The following PTPRN2 variants were observed in gnomAD, a reference collection of about 807,000 sequenced individuals.
The protein encoded by PTPRN2 is receptor-type tyrosine-protein phosphatase N2.
Under a neutral mutation model 118.8 loss-of-function variants are expected in PTPRN2, and 74 were observed. That is an observed-to-expected ratio of 0.62 (90% CI 0.52 to 0.76). The LOEUF is 0.76. PTPRN2 is among the 30% of genes least tolerant of loss of function. The probability of loss-of-function intolerance (pLI) is 0.00; values close to 1 mark genes in which losing one functional copy is unlikely to be tolerated. For missense variants in PTPRN2, 1,481 were observed against 1,394.4 expected (o/e 1.06, Z -0.99); for synonymous variants, 641 against 608.0 (o/e 1.05, Z -0.80).
chr7:158,256,485 T>C (rs1442008459), intron 3 of PTPRN2, among the ~76,000 whole-genome samples: 2 of 152,126 alleles, frequency 1.3e-5, no homozygotes, highest in African/African-American at 2.4e-5. Flanking sequence ...TGGTGGACCA[T>C]TGGCAGTTTT....
intron 22 of PTPRN2, among the ~76,000 whole-genome samples, chr7:157,544,131 G>A (rs898706296): frequency 6.6e-5 from 10 of 150,588 alleles, no homozygotes; most frequent in Non-Finnish European, 1.0e-4. Flanking sequence ...GGAGAGAGGC[G>A]GAGAGAGGCG....
At chr7:158,139,705 C>T (rs929830857) in intron 6 of PTPRN2, among the ~76,000 whole-genome samples, 7 of 152,066 alleles carry the variant, frequency 4.6e-5, no homozygotes, top group South Asian at 2.1e-4. Context: ...GGGGAAGACA[C>T]GCTCCACACA....
chr7:158,466,598 C>T (rs1819404892), intron 2 of PTPRN2, among the ~76,000 whole-genome samples: 1 of 152,190 alleles, frequency 6.6e-6, no homozygotes, highest in Non-Finnish European at 1.5e-5. Flanking sequence ...GTACTGTCTC[C>T]ATGCCCTGGT....
At chr7:158,340,496 C>G (rs201662817) in intron 2 of PTPRN2, among the ~76,000 whole-genome samples, 18,349 of 58,544 alleles carry the variant, frequency 0.31, 4,173 homozygotes, top group Non-Finnish European at 0.4. Context: ...TAGGTGACAC[C>G]TGCAGACGTC....
At chr7:158,226,557 A>C (rs1396074268) in intron 3 of PTPRN2, among the ~76,000 whole-genome samples, 1 of 152,180 alleles carries the variant, frequency 6.6e-6, no homozygotes, top group African/African-American at 2.4e-5. Context: ...AAGTGGTGGC[A>C]GCGTGCATGG....
At chr7:158,554,435 G>T (rs548368303) in intron 1 of PTPRN2, among the ~76,000 whole-genome samples, 2 of 152,150 alleles carry the variant, frequency 1.3e-5, no homozygotes, top group Non-Finnish European at 2.9e-5. Context: ...TGAAAAGTGC[G>T]TAAGAATTTT....
chr7:158,165,654 C>T (rs1476807669), intron 6 of PTPRN2, among the ~76,000 whole-genome samples: 7 of 152,250 alleles, frequency 4.6e-5, no homozygotes, highest in African/African-American at 1.4e-4. Context: ...GCTCACATAA[C>T]GCGATGCTCA....
intron 2 of PTPRN2, among the ~76,000 whole-genome samples, chr7:158,470,594 G>C (rs545499264): frequency 4.7e-4 from 71 of 152,312 alleles, no homozygotes; most frequent in African/African-American, 1.6e-3. Context: ...GCGTCACCCC[G>C]ACCGGCTGCT....
At chr7:157,661,780 G>A (rs891335599) in intron 13 of PTPRN2, among the ~76,000 whole-genome samples, 1 of 152,190 alleles carries the variant, frequency 6.6e-6, no homozygotes, top group Non-Finnish European at 1.5e-5. Context: ...TACTTCCCTG[G>A]ACACTACGAT....
rs1287965025 is a variant in PTPRN2 at position 157,539,815 on chromosome 7, G to A, written c.*899C>T. 6.6e-6 allele frequency: 1 copy of A among 152,316 alleles called. No individual in the cohort carries two copies. The highest frequency in any genetic ancestry group is 1.5e-5 in the Non-Finnish European group (1 of 68,096). The allele number at this position is 152,316 out of a possible 1,614,324, so 9.4% of individuals were successfully genotyped here. A position where few individuals can be genotyped will look rare whatever the true frequency, so the allele number is the denominator to read the frequency against. Reference sequence around the variant, plus strand: ...CCCACAGGTCCGGGACGTGCCTGGAGGAGCCAGCGGGGGCCTGGCAGGGTT... The same window carrying A: ...CCCACAGGTCCGGGACGTGCCTGGAAGAGCCAGCGGGGGCCTGGCAGGGTT... On this transcript the variant is annotated 3_prime_UTR_variant, in exon 23 of 23. Transcript: ENST00000389418.
rs116008292 is a variant in PTPRN2 at position 158,477,520 on chromosome 7, T to G, written c.163+12215A>C. ...TTTAATTGATTTTAATTGACACACC[T>G]GAAAGAGAAAAGTGGGTAATACTGT... On this transcript the variant is annotated intron_variant, in intron 2 of 22. Transcript: ENST00000389418. Among the ~76,000 whole-genome samples, 840 of 152,296 alleles carry G rather than the reference T, an allele frequency of 5.5e-3. 10 individuals are homozygous for G. The highest frequency in any genetic ancestry group is 0.019 in the African/African-American group (785 of 41,558).
chr7:157,854,117 T>C (rs1809501803), intron 12 of PTPRN2, among the ~76,000 whole-genome samples: 1 of 152,232 alleles, frequency 6.6e-6, no homozygotes, highest in African/African-American at 2.4e-5. Flanking sequence ...TGCTATGCTG[T>C]CACAGCAGCC....
At chr7:158,384,145 C>A (rs772409669) in intron 2 of PTPRN2, among the ~76,000 whole-genome samples, 1 of 152,332 alleles carries the variant, frequency 6.6e-6, no homozygotes, top group African/African-American at 2.4e-5. Flanking sequence ...CTGCTGGGCT[C>A]GCTCAAGGTA....
intron 12 of PTPRN2, among the ~76,000 whole-genome samples, chr7:157,840,107 G>A (rs1158511017): frequency 2.6e-5 from 3 of 115,440 alleles, no homozygotes; most frequent in African/African-American, 5.4e-5. Context: ...GTGTGACCGC[G>A]TGACTGTGTG....
chr7:158,127,056 G>T (rs1817749977), intron 9 of PTPRN2, among the ~76,000 whole-genome samples: 1 of 152,198 alleles, frequency 6.6e-6, no homozygotes, highest in Admixed American at 6.5e-5. Context: ...CTTGAAGGAA[G>T]AAACATTTCA....
rs1228390753 is a variant in PTPRN2, at chr7:157,787,333, C to G, written c.1789-104396G>C. Among the ~76,000 whole-genome samples the G allele has an allele frequency of 6.6e-6, 1 of 152,176 alleles. No homozygotes were observed. Among genetic ancestry groups the G allele is most frequent in the Non-Finnish European group, 1.5e-5 (1 of 68,018 alleles). ...GCTCATCCGTGGCCTCCAGGCCCCA[C>G]CTTGATGGAAACTGCGACAGGAGGG... On this transcript the variant is annotated intron_variant, in intron 12 of 22. Coordinates refer to ENST00000389418, the MANE Select transcript of PTPRN2 (RefSeq NM_002847.5). This position sits in a 1 kb window ranked among gnomAD's most constrained non-coding sequence, Gnocchi z 5.3.
At chr7:158,303,966 G>A in intron 3 of PTPRN2, among the ~76,000 whole-genome samples, 1 of 152,232 alleles carries the variant, frequency 6.6e-6, no homozygotes, top group East Asian at 1.9e-4. Flanking sequence ...TGCCCAAGGT[G>A]GATGGGCTTC....
chr7:157,577,677 GT>G (rs977767615), intron 18 of PTPRN2, among the ~76,000 whole-genome samples: 3 of 152,192 alleles, frequency 2.0e-5, no homozygotes, highest in Non-Finnish European at 4.4e-5. Flanking sequence ...TGAGGCGAAT[GT>G]TTTTTCTACT....
At chr7:157,641,910 G>A (rs574307877) in intron 14 of PTPRN2, among the ~76,000 whole-genome samples, 28 of 152,240 alleles carry the variant, frequency 1.8e-4, no homozygotes, top group African/African-American at 4.8e-4. Context: ...AGTCCAGGCT[G>A]AGCTCATCTT....
Sources: allele counts gnomAD v4.1 joint callset (sites outside exome capture counted in the v4.1 genomes callset), GRCh38; gene constraint gnomAD v4.1.1; non-coding constraint Gnocchi (gnomAD v3.1); transcripts MANE v1.5; gene names NCBI Gene and HGNC (gene_info 2026-07-23, HGNC 2026-07-21).